Variants in KDM1A observed in about 807,000 individuals in gnomAD.
The protein encoded by KDM1A is lysine demethylase 1A.
Under a neutral mutation model 109.4 loss-of-function variants are expected in KDM1A, and 49 were observed. The ratio of observed to expected loss-of-function variants is 0.45; its 90% CI spans 0.36 to 0.57. The LOEUF (loss-of-function observed/expected upper bound fraction) is 0.57. KDM1A is among the 20% of genes least tolerant of loss of function. The pLI is 0.00. For missense variants in KDM1A, 668 were observed against 1,116.6 expected (o/e 0.60, Z 5.73); for synonymous variants, 380 against 415.4 (o/e 0.91, Z 1.04).
intron 4 of KDM1A, among the ~76,000 whole-genome samples, chr1:23,052,124 T>A (rs534626658): frequency 1.3e-5 from 2 of 152,206 alleles, no homozygotes; most frequent in African/African-American, 4.8e-5. Context: ...TTTACAGGGA[T>A]CTCTGTCTTT....
chr1:23,020,784 C>T (rs913055293), intron 1 of KDM1A, among the ~76,000 whole-genome samples: 1 of 152,098 alleles, frequency 6.6e-6, no homozygotes, highest in South Asian at 2.1e-4. Context: ...AGCAACTTGC[C>T]TAAAGTCACA....
chr1:23,062,637 A>G lies in KDM1A; in HGVS notation c.1168-3423A>G, dbSNP rs181187572. ...ATTTTATGTCATTGTTTTAATCACA[A>G]TCACAAGAATCCCTCAAAAAGTTTA... On this transcript the variant is annotated intron_variant, in intron 9 of 20. Transcript: ENST00000400181. Among the ~76,000 whole-genome samples the G allele has an allele frequency of 2.7e-3, 408 of 152,332 alleles. 4 individuals carry two copies. Among genetic ancestry groups the G allele is most frequent in the African/African-American group, 9.1e-3 (378 of 41,582 alleles).
At chr1:23,081,654 C>A in intron 19 of KDM1A, 81 bp downstream of exon 19, 1 of 1,517,926 alleles carries the variant, frequency 6.6e-7, no homozygotes, top group South Asian at 1.2e-5. Flanking sequence ...TGTTCTTGGT[C>A]AGGACAGTTT....
chr1:23,063,221 GGTGTGTGTGGGTGT>G (rs1643060653), intron 9 of KDM1A, among the ~76,000 whole-genome samples: 2 of 90,906 alleles, frequency 2.2e-5, no homozygotes, highest in African/African-American at 7.9e-5. Context: ...GTGTGGGGTG[GGTGTGTGTGGGTGT>G]GTGTGTGTGT....
intron 13 of KDM1A, 74 bp from the exon 14 acceptor site, chr1:23,072,050 T>C (rs568688133): frequency 3.4e-6 from 3 of 882,370 alleles, no homozygotes; most frequent in East Asian, 5.2e-5. Context: ...CCAGACCTTA[T>C]ACTTTGTGGT....
intron 3 of KDM1A, among the ~76,000 whole-genome samples, chr1:23,044,893 G>A (rs1371711887): frequency 6.6e-6 from 1 of 152,136 alleles, no homozygotes; most frequent in African/African-American, 2.4e-5. Flanking sequence ...AGGCATTCTA[G>A]GACTAGTCAG....
chr1:23,063,723 G>T (rs1643083893), intron 9 of KDM1A, among the ~76,000 whole-genome samples: 1 of 152,104 alleles, frequency 6.6e-6, no homozygotes, highest in African/African-American at 2.4e-5. Context: ...CATTTAACAA[G>T]AATTTACTGG....
At chr1:23,035,171 G>A (rs965026579) in intron 2 of KDM1A, among the ~76,000 whole-genome samples, 1 of 152,072 alleles carries the variant, frequency 6.6e-6, no homozygotes, top group African/African-American at 2.4e-5. Context: ...AAGTTTGTAG[G>A]TGTGTGTTTT....
intron 9 of KDM1A, among the ~76,000 whole-genome samples, chr1:23,064,646 G>A (rs962605801): frequency 2.6e-5 from 4 of 152,222 alleles, no homozygotes; most frequent in Non-Finnish European, 5.9e-5. Flanking sequence ...AAAGAGAGCT[G>A]TCCTCCTTCG....
chr1:23,033,514 C>A (rs565553864), intron 2 of KDM1A, among the ~76,000 whole-genome samples: 5 of 151,604 alleles, frequency 3.3e-5, no homozygotes, highest in Admixed American at 1.3e-4. Flanking sequence ...AGCAAGACTC[C>A]GCCTTAAAAA....
In KDM1A at chr1:23,022,334, T is replaced by TG. The variant is rs201642314; in HGVS notation, c.351+2387_351+2388insG. Among the ~76,000 whole-genome samples the TG allele has an allele frequency of 7.5e-3, 710 of 95,208 alleles. 7 individuals are homozygous for TG. The highest frequency in any genetic ancestry group is 0.023 in the African/African-American group (645 of 28,444). 62.5% of individuals were successfully genotyped at this position (95,208 alleles called of 152,430 possible). ...CCAATGTTCTTCTTCGTTTTTTTTT[T>TG]TTTGTTGTTGTTGTTTTTGAGATGG... On this transcript the variant is annotated intron_variant, in intron 1 of 20. Coordinates refer to ENST00000400181, the MANE Select transcript of KDM1A (RefSeq NM_001009999.3).
At chr1:23,038,734 G>T (rs1642223342) in intron 2 of KDM1A, among the ~76,000 whole-genome samples, 1 of 152,194 alleles carries the variant, frequency 6.6e-6, no homozygotes, top group African/African-American at 2.4e-5. Context: ...GCACATATCT[G>T]TGGTGTTATT....
At chr1:23,036,058 A>G (rs1367117932) in intron 2 of KDM1A, among the ~76,000 whole-genome samples, 1 of 152,108 alleles carries the variant, frequency 6.6e-6, no homozygotes, top group Non-Finnish European at 1.5e-5. Flanking sequence ...AGTAATGGCC[A>G]GAGTTCAGGT....
chr1:23,053,865 A>C (rs766549607), intron 5 of KDM1A, 26 bp downstream of exon 5: 3 of 1,229,172 alleles, frequency 2.4e-6, no homozygotes, highest in Non-Finnish European at 3.6e-6. Context: ...AATAGGACTA[A>C]TTTGTACTGG....
intron 9 of KDM1A, among the ~76,000 whole-genome samples, chr1:23,060,112 G>A (rs80134560): frequency 0.01 from 1,561 of 152,224 alleles, 12 homozygotes; most frequent in Middle Eastern, 0.017. Flanking sequence ...GGCTTGGGTG[G>A]GGTGGATAAC....
chr1:23,052,017 T>C (rs1642687661), intron 4 of KDM1A, among the ~76,000 whole-genome samples: 1 of 152,210 alleles, frequency 6.6e-6, no homozygotes, highest in African/African-American at 2.4e-5. Context: ...CAACATTTGC[T>C]CTAAGTGGAT....
At chr1:23,032,230 T>C (rs1317099424) in intron 2 of KDM1A, among the ~76,000 whole-genome samples, 3 of 152,198 alleles carry the variant, frequency 2.0e-5, no homozygotes, top group Admixed American at 6.5e-5. Flanking sequence ...TCTCAGATGC[T>C]GCCTCACCTT....
intron 10 of KDM1A, among the ~76,000 whole-genome samples, chr1:23,067,833 A>G (rs1643199789): frequency 6.6e-6 from 1 of 152,210 alleles, no homozygotes; most frequent in African/African-American, 2.4e-5. Flanking sequence ...GCTTAGGATC[A>G]TGGTCTTCCA....
At chr1:23,051,049 C>T (rs1207769529) in intron 4 of KDM1A, among the ~76,000 whole-genome samples, 1 of 152,106 alleles carries the variant, frequency 6.6e-6, no homozygotes, top group Non-Finnish European at 1.5e-5. Context: ...CGTGCCACTG[C>T]ACTCCATCCA....
Sources: gnomAD v4.1 joint callset for allele counts (sites outside exome capture counted in the v4.1 genomes callset) on GRCh38, gnomAD v4.1.1 for gene constraint, MANE v1.5 for transcripts, NCBI Gene and HGNC (gene_info 2026-07-23, HGNC 2026-07-21) for gene names.